ADIPOR2: variants seen among roughly 807,000 people sequenced by gnomAD.
The protein encoded by ADIPOR2 is adiponectin receptor 2.
In ADIPOR2, 18 loss-of-function variants were observed where a neutral mutation model predicts 40.9. That is an observed-to-expected ratio of 0.44 (90% CI 0.30 to 0.65). The LOEUF (loss-of-function observed/expected upper bound fraction) is 0.65, where lower values mean the gene tolerates loss of function less well. ADIPOR2 is among the 30% of genes least tolerant of loss of function. The pLI is 0.09. For synonymous variants in ADIPOR2, 165 were observed against 166.4 expected (o/e 0.99, Z 0.06); for missense variants, 283 against 479.2 (o/e 0.59, Z 3.82).
intron 1 of ADIPOR2, among the ~76,000 whole-genome samples, chr12:1,694,433 A>G (rs1267224499): frequency 6.6e-6 from 1 of 152,374 alleles, no homozygotes; most frequent in South Asian, 2.1e-4. Flanking sequence ...TAACCTGTGC[A>G]TATCCTCCCA....
rs551281529 is a variant in ADIPOR2, at chr12:1,764,743, A to G, written c.172-8099A>G. ...AACCATTACCCTGACTTCTAATGGC[A>G]TGGATTAATTTTGCTTGTTTTTATA... On this transcript the variant is annotated intron_variant, in intron 2 of 7. Coordinates refer to ENST00000357103, the MANE Select transcript of ADIPOR2 (RefSeq NM_024551.3). 3.9e-5 allele frequency among the ~76,000 whole-genome samples: 6 copies of G among 152,234 alleles called. No homozygotes were observed. In the South Asian group the frequency reaches 1.2e-3, roughly 32 times the overall value.
At position 1,721,205 on chromosome 12, in the gene ADIPOR2, C is replaced by CTT. The variant is rs59268943; in HGVS notation, c.-87+30043_-87+30044dup. ...CTCAACCTAGGCAAAATAAAATAAA[C>CTT]TTTTTTTTTTTTTTTTTTTTTTTTT... On this transcript the variant is annotated intron_variant, in intron 1 of 7. Transcript: ENST00000357103. Among the ~76,000 whole-genome samples, 20 of 58,204 alleles carry CTT rather than the reference C, an allele frequency of 3.4e-4. 1 individual carries two copies. The South Asian group carries it at 5.1e-3, about 15-fold the overall frequency. 38.2% of individuals were successfully genotyped at this position (58,204 alleles called of 152,430 possible). A position where few individuals can be genotyped will look rare whatever the true frequency, so the allele number is the denominator to read the frequency against.
chr12:1,725,820 A>G (rs1565638751), intron 1 of ADIPOR2, among the ~76,000 whole-genome samples: 1 of 152,238 alleles, frequency 6.6e-6, no homozygotes, highest in Non-Finnish European at 1.5e-5. Context: ...GAGAAGTTCA[A>G]TTTATGAAGA....
intron 1 of ADIPOR2, among the ~76,000 whole-genome samples, chr12:1,694,832 A>T (rs1486878536): frequency 2.6e-5 from 4 of 152,100 alleles, no homozygotes; most frequent in Non-Finnish European, 4.4e-5. Flanking sequence ...GCAGCTTTAG[A>T]TGTACAGAAA....
At chr12:1,782,524 A>G (rs1862737994) in intron 6 of ADIPOR2, among the ~76,000 whole-genome samples, 1 of 152,080 alleles carries the variant, frequency 6.6e-6, no homozygotes, top group Non-Finnish European at 1.5e-5. Flanking sequence ...TTTTTTTTCC[A>G]TCATGACATT....
intron 1 of ADIPOR2, among the ~76,000 whole-genome samples, chr12:1,713,993 T>C (rs939716103): frequency 5.9e-5 from 9 of 152,104 alleles, no homozygotes; most frequent in African/African-American, 1.9e-4. Flanking sequence ...GAGCTGGCGC[T>C]TGCCCCGGGC....
intron 2 of ADIPOR2, among the ~76,000 whole-genome samples, chr12:1,760,461 A>G (rs113637495): frequency 3.3e-4 from 50 of 152,250 alleles, no homozygotes; most frequent in African/African-American, 1.1e-3. Context: ...AAGAAACCTT[A>G]ACCCATTTGC....
At chr12:1,757,472 A>G in intron 2 of ADIPOR2, 1 of 729,032 alleles carries the variant, frequency 1.4e-6, no homozygotes, top group Non-Finnish European at 2.5e-6. Flanking sequence ...TAGCACCTAC[A>G]GTCACCATGC....
At chr12:1,773,351 G>A (rs567301864) in intron 3 of ADIPOR2, among the ~76,000 whole-genome samples, 1 of 152,180 alleles carries the variant, frequency 6.6e-6, no homozygotes, top group Admixed American at 6.5e-5. Context: ...AATGGCAAAT[G>A]TACTGTTCTT....
intron 1 of ADIPOR2, chr12:1,695,843 C>G (rs1212739151): frequency 6.6e-6 from 1 of 151,032 alleles, no homozygotes; most frequent in East Asian, 1.9e-4. Context: ...CTTTTTCTCT[C>G]TTTTTATTTT....
At chr12:1,779,630 T>C (rs1271353274) in intron 4 of ADIPOR2, among the ~76,000 whole-genome samples, 4 of 152,188 alleles carry the variant, frequency 2.6e-5, no homozygotes, top group African/African-American at 9.7e-5. Flanking sequence ...GTTTCTGGCC[T>C]TACTCCATTT....
intron 1 of ADIPOR2, among the ~76,000 whole-genome samples, chr12:1,715,267 T>G (rs1396014504): frequency 1.3e-5 from 2 of 152,030 alleles, no homozygotes; most frequent in Admixed American, 6.5e-5. Context: ...ACAGAAAAGG[T>G]CAAGCTGCAG....
intron 1 of ADIPOR2, among the ~76,000 whole-genome samples, chr12:1,752,630 A>G (rs550310779): frequency 2.2e-4 from 33 of 152,284 alleles, no homozygotes; most frequent in Admixed American, 1.9e-3. Flanking sequence ...TTGAATCCTA[A>G]TGACCTTGAA....
intron 3 of ADIPOR2, among the ~76,000 whole-genome samples, chr12:1,773,721 T>C (rs532078074): frequency 1.3e-5 from 2 of 152,178 alleles, no homozygotes; most frequent in African/African-American, 4.8e-5. Context: ...TCTGGAGAAC[T>C]CTTTATTATT....
At chr12:1,692,064 C>T (rs1407746633) in intron 1 of ADIPOR2, among the ~76,000 whole-genome samples, 1 of 144,562 alleles carries the variant, frequency 6.9e-6, no homozygotes, top group Non-Finnish European at 1.5e-5. Flanking sequence ...TTATTGTCCC[C>T]CATTTCTGTT....
At chr12:1,740,318 C>T (rs1289634573) in intron 1 of ADIPOR2, among the ~76,000 whole-genome samples, 3 of 152,166 alleles carry the variant, frequency 2.0e-5, no homozygotes, top group Admixed American at 6.5e-5. Context: ...TGTATTTTCT[C>T]ACAGTTCTGG....
At chr12:1,708,881 G>A (rs961560380) in intron 1 of ADIPOR2, among the ~76,000 whole-genome samples, 20 of 151,830 alleles carry the variant, frequency 1.3e-4, no homozygotes, top group African/African-American at 4.4e-4. Context: ...CACCACGCCC[G>A]GCTAATTTTT....
chr12:1,716,986 C>T (rs557113698), intron 1 of ADIPOR2, among the ~76,000 whole-genome samples: 9 of 152,214 alleles, frequency 5.9e-5, no homozygotes, highest in African/African-American at 9.6e-5. Context: ...TTAAGTAAAC[C>T]TTAATAAGCA....
In ADIPOR2 at chr12:1,750,287, A is replaced by G. The variant is rs530052003; in HGVS notation, c.-86-3971A>G. Among the ~76,000 whole-genome samples, 24 of 152,064 alleles carry G rather than the reference A, an allele frequency of 1.6e-4. 1 individual carries two copies. The South Asian group carries it at 5.0e-3, about 32-fold the overall frequency. On this transcript the variant is annotated intron_variant, in intron 1 of 7. Transcript: ENST00000357103. ...AGAAAAGTAAATGATGGCTGGGCACAGTGGCTTATACCTTTAATCCCAGCA... is the reference window on the plus strand; with the variant it reads ...AGAAAAGTAAATGATGGCTGGGCACGGTGGCTTATACCTTTAATCCCAGCA...
Sources: gnomAD v4.1 joint callset for allele counts (sites outside exome capture counted in the v4.1 genomes callset) on GRCh38, gnomAD v4.1.1 for gene constraint, MANE v1.5 for transcripts, NCBI Gene and HGNC (gene_info 2026-07-23, HGNC 2026-07-21) for gene names.